The following FARS2 variants were observed in gnomAD, a reference collection of about 807,000 sequenced individuals.
FARS2 encodes phenylalanyl-tRNA synthetase 2, mitochondrial.
FARS2 carries 40 observed loss-of-function variants against 46.4 expected under a neutral mutation model. That is an observed-to-expected ratio of 0.86 (90% CI 0.67 to 1.12). The LOEUF (loss-of-function observed/expected upper bound fraction) is 1.12. Among genes scored for constraint, FARS2 ranks in the 50% most tolerant of loss-of-function variants. FARS2 has a pLI of 0.00. For synonymous variants in FARS2, 234 were observed against 214.9 expected (o/e 1.09, Z -0.78); for missense variants, 513 against 567.9 (o/e 0.90, Z 0.98).
upstream of FARS2, among the ~76,000 whole-genome samples, chr6:5,259,413 T>C (rs1357580146): frequency 1.3e-5 from 2 of 152,214 alleles, no homozygotes; most frequent in African/African-American, 4.8e-5. Flanking sequence ...AAAATCATTC[T>C]CTCCCGTGAA....
chr6:5,723,892 G>C (rs1760075634), intron 6 of FARS2, among the ~76,000 whole-genome samples: 1 of 152,224 alleles, frequency 6.6e-6, no homozygotes, highest in Non-Finnish European at 1.5e-5. Context: ...GGCCACAGCA[G>C]GCGGTCTCTG....
intron 1 of FARS2, among the ~76,000 whole-genome samples, chr6:5,293,850 T>G (rs1438359006): frequency 6.6e-6 from 1 of 152,200 alleles, no homozygotes; most frequent in Non-Finnish European, 1.5e-5. Flanking sequence ...CATGATTGAT[T>G]GGGTGATTAG....
chr6:5,533,687 T>A (rs1770002934), intron 4 of FARS2, among the ~76,000 whole-genome samples: 1 of 151,994 alleles, frequency 6.6e-6, no homozygotes, highest in South Asian at 2.1e-4. Flanking sequence ...TTGAGGGGGT[T>A]TGGGAGAGTA....
intron 3 of FARS2, among the ~76,000 whole-genome samples, chr6:5,411,927 G>A (rs1261605861): frequency 6.6e-6 from 1 of 152,164 alleles, no homozygotes; most frequent in African/African-American, 2.4e-5. Context: ...GGGGATTTAG[G>A]ATTTCTAACT....
At chr6:5,757,011 C>G (rs1762242135) in intron 6 of FARS2, among the ~76,000 whole-genome samples, 1 of 152,276 alleles carries the variant, frequency 6.6e-6, no homozygotes, top group South Asian at 2.1e-4. Flanking sequence ...CACAATCCCC[C>G]CAAGCCCGTA....
chr6:5,400,387 T>G (rs759063068), intron 2 of FARS2, among the ~76,000 whole-genome samples: 1 of 152,056 alleles, frequency 6.6e-6, no homozygotes, highest in African/African-American at 2.4e-5. Context: ...TTCCCCTTCT[T>G]TTTTTGTCAG....
intron 4 of FARS2, among the ~76,000 whole-genome samples, chr6:5,516,726 A>G (rs1335480528): frequency 6.6e-6 from 1 of 152,224 alleles, no homozygotes; most frequent in East Asian, 1.9e-4. Flanking sequence ...GAGGCTCTAT[A>G]TTGAAAGAGA....
chr6:5,610,264 A>C (rs1463043615), intron 5 of FARS2: 1 of 489,552 alleles, frequency 2.0e-6, no homozygotes. Context: ...GAAAGTAGCA[A>C]GCTGACGAAT....
At chr6:5,700,286 G>C (rs1442710621) in intron 6 of FARS2, among the ~76,000 whole-genome samples, 1 of 152,064 alleles carries the variant, frequency 6.6e-6, no homozygotes, top group Non-Finnish European at 1.5e-5. Context: ...TTTTGTTTTA[G>C]TCTTATTGAA....
At chr6:5,468,026 T>G (rs2503800) in intron 4 of FARS2, among the ~76,000 whole-genome samples, 34,711 of 152,116 alleles carry the variant, frequency 0.23, 4,164 homozygotes, top group South Asian at 0.31. Context: ...AGTAAAAACT[T>G]ATAGCCACCA....
intron 1 of FARS2, among the ~76,000 whole-genome samples, chr6:5,322,926 G>T (rs1225103377): frequency 6.6e-6 from 1 of 152,114 alleles, no homozygotes; most frequent in Non-Finnish European, 1.5e-5. Context: ...TCAATGCGTG[G>T]ATTCTTCTGA....
chr6:5,371,526 A>C (rs1486226179), intron 2 of FARS2, among the ~76,000 whole-genome samples: 1 of 152,190 alleles, frequency 6.6e-6, no homozygotes, highest in Non-Finnish European at 1.5e-5. Context: ...TTAGCTATTA[A>C]TTGTGGAAAA....
At chr6:5,529,903 A>G (rs901507905) in intron 4 of FARS2, among the ~76,000 whole-genome samples, 2 of 152,232 alleles carry the variant, frequency 1.3e-5, no homozygotes, top group Admixed American at 1.3e-4. Flanking sequence ...AGCTGGTTGG[A>G]TGATGTAAGA....
chr6:5,463,687 G>T (rs1437796204), intron 4 of FARS2, among the ~76,000 whole-genome samples: 1 of 134,654 alleles, frequency 7.4e-6, no homozygotes, highest in Non-Finnish European at 1.6e-5. Flanking sequence ...AGCATTATGA[G>T]CAGATTTGTT....
At chr6:5,567,270 G>A (rs1772378118) in intron 5 of FARS2, among the ~76,000 whole-genome samples, 2 of 152,194 alleles carry the variant, frequency 1.3e-5, no homozygotes, top group African/African-American at 4.8e-5. Context: ...TAGTGATGTT[G>A]AGCATCTTTT....
intron 4 of FARS2, among the ~76,000 whole-genome samples, chr6:5,444,466 CAAAAAAA>C (rs751990577): frequency 4.4e-5 from 4 of 91,478 alleles, no homozygotes; most frequent in Non-Finnish European, 7.5e-5. Flanking sequence ...GACTCTGTCT[CAAAAAAA>C]AAAAAAAAAA....
chr6:5,472,619 A>G (rs1472346187), intron 4 of FARS2, among the ~76,000 whole-genome samples: 5 of 152,170 alleles, frequency 3.3e-5, no homozygotes, highest in Admixed American at 3.3e-4. Flanking sequence ...AGCATGACTG[A>G]TTAAATTCTG....
intron 6 of FARS2, among the ~76,000 whole-genome samples, chr6:5,704,984 C>G (rs1260788945): frequency 6.6e-6 from 1 of 152,128 alleles, no homozygotes; most frequent in Non-Finnish European, 1.5e-5. Context: ...GATGTGCTGT[C>G]TGGGCTGTCA....
chr6:5,445,070 A>G (rs1764105916), intron 4 of FARS2, among the ~76,000 whole-genome samples: 2 of 152,220 alleles, frequency 1.3e-5, no homozygotes, highest in Admixed American at 6.5e-5. Context: ...AATAAAACCC[A>G]TAGAGGATTG....
Sources: gnomAD v4.1 joint callset for allele counts (sites outside exome capture counted in the v4.1 genomes callset) on GRCh38, gnomAD v4.1.1 for gene constraint, MANE v1.5 for transcripts, NCBI Gene and HGNC (gene_info 2026-07-23, HGNC 2026-07-21) for gene names.